Variants in KLHL18 observed in about 807,000 individuals in gnomAD.
The protein encoded by KLHL18 is kelch-like protein 18.
In KLHL18, 38 loss-of-function variants were observed where a neutral mutation model predicts 58.5. That is an observed-to-expected ratio of 0.65 (90% CI 0.50 to 0.85). The LOEUF (loss-of-function observed/expected upper bound fraction) is 0.85, where lower values mean the gene tolerates loss of function less well. KLHL18 is among the 40% of genes least tolerant of loss of function. The pLI, the probability that KLHL18 is intolerant of heterozygous loss-of-function variation, is 0.00. For synonymous variants in KLHL18, 303 were observed against 301.9 expected, an observed-to-expected ratio of 1.00 and a Z score of -0.04; for missense variants, 624 against 778.4, an observed-to-expected ratio of 0.80 and a Z score of 2.36.
chr3:47,287,489 TTCTC>T (rs1227183090), intron 1 of KLHL18: 2 of 151,840 alleles, frequency 1.3e-5, no homozygotes, highest in Non-Finnish European at 2.9e-5. Flanking sequence ...GTATTTTTTT[TTCTC>T]TCTTTTTTTT....
intron 9 of KLHL18, 120 bp from the exon 10 acceptor site, chr3:47,343,435 G>C (rs295457): frequency 8.2e-7 from 1 of 1,221,956 alleles, no homozygotes. Context: ...AGAGCTCCTT[G>C]TCCCCATACC....
chr3:47,330,421 T>G (rs1371257016), intron 4 of KLHL18, among the ~76,000 whole-genome samples: 2 of 152,054 alleles, frequency 1.3e-5, no homozygotes, highest in Admixed American at 6.6e-5. Flanking sequence ...CACATCAGCC[T>G]CCCGAGTAGC....
At chr3:47,298,110 C>T (rs1311664845) in intron 1 of KLHL18, among the ~76,000 whole-genome samples, 2 of 151,840 alleles carry the variant, frequency 1.3e-5, no homozygotes, top group Admixed American at 6.6e-5. Context: ...CCAGGTGCAG[C>T]GGCTCACACC....
At chr3:47,331,799 C>T (rs1226385527) in intron 4 of KLHL18, among the ~76,000 whole-genome samples, 2 of 149,636 alleles carry the variant, frequency 1.3e-5, no homozygotes, top group African/African-American at 5.0e-5. Context: ...TGGGAGTTTT[C>T]CAGAAGAGAG....
chr3:47,305,334 GTTT>G (rs397744565), intron 1 of KLHL18, among the ~76,000 whole-genome samples: 3 of 70,382 alleles, frequency 4.3e-5, no homozygotes, highest in African/African-American at 1.0e-4. Context: ...ATTTTGTCAA[GTTT>G]TTTTTTTTTT....
At chr3:47,306,815 C>G (rs1348682342) in intron 1 of KLHL18, among the ~76,000 whole-genome samples, 1 of 152,128 alleles carries the variant, frequency 6.6e-6, no homozygotes, top group Non-Finnish European at 1.5e-5. Context: ...ATTGGACTTC[C>G]TAATTGGACT....
chr3:47,293,646 G>A (rs1376068771), intron 1 of KLHL18, among the ~76,000 whole-genome samples: 1 of 152,218 alleles, frequency 6.6e-6, no homozygotes, highest in Non-Finnish European at 1.5e-5. Context: ...CCTTGACAGA[G>A]CTATTTTGAG....
At chr3:47,290,375 C>G (rs745535772) in intron 1 of KLHL18, among the ~76,000 whole-genome samples, 4 of 152,090 alleles carry the variant, frequency 2.6e-5, no homozygotes, top group Non-Finnish European at 5.9e-5. Flanking sequence ...AAAACTTGTG[C>G]TTCTGAATAT....
chr3:47,321,597 G>A (rs1703591067), intron 2 of KLHL18, among the ~76,000 whole-genome samples: 4 of 152,120 alleles, frequency 2.6e-5, no homozygotes, highest in South Asian at 2.1e-4. Flanking sequence ...TGATCCGCCC[G>A]CCTCGGCCTC....
chr3:47,311,211 A>G (rs1703292169), intron 1 of KLHL18, among the ~76,000 whole-genome samples: 1 of 151,844 alleles, frequency 6.6e-6, no homozygotes, highest in Non-Finnish European at 1.5e-5. Context: ...GGGTTTTACC[A>G]TGTTAGCCAG....
chr3:47,299,826 CAAAAAAAAA>C (rs55695849), intron 1 of KLHL18, among the ~76,000 whole-genome samples: 11 of 43,788 alleles, frequency 2.5e-4, no homozygotes, highest in South Asian at 1.5e-3. Context: ...TACTGTGTCT[CAAAAAAAAA>C]AAAAAAAAAA....
intron 3 of KLHL18, among the ~76,000 whole-genome samples, chr3:47,325,356 C>A (rs769736278): frequency 3.9e-5 from 6 of 152,082 alleles, no homozygotes; most frequent in Non-Finnish European, 8.8e-5. Context: ...TGCCACCACG[C>A]CTGGCTAATT....
Position 47,343,662 on chromosome 3 carries a change from C to CG in KLHL18, c.1451dup (p.Tyr485LeufsTer61). 1 of 1,614,086 alleles carries CG rather than the reference C, an allele frequency of 6.2e-7. No homozygotes were observed. Among genetic ancestry groups the CG allele is most frequent in the Non-Finnish European group, 8.5e-7 (1 of 1,180,034 alleles). On this transcript the variant is annotated frameshift_variant, in exon 10 of 10. Transcript: ENST00000232766. LOFTEE classifies it high-confidence loss of function. Reference sequence around the variant, plus strand: ...CCCTGGGGAGCAAGATGTTTGTCTGCGGGGGCTACGATGGCTCTGGCTTCC... The same window carrying CG: ...CCCTGGGGAGCAAGATGTTTGTCTGCGGGGGGCTACGATGGCTCTGGCTTCC...
chr3:47,294,728 A>C (rs938387477), intron 1 of KLHL18, among the ~76,000 whole-genome samples: 2 of 152,192 alleles, frequency 1.3e-5, no homozygotes, highest in East Asian at 3.8e-4. Context: ...ACCAATCAAT[A>C]ATTATGTATT....
chr3:47,322,565 T>G lies in KLHL18; in HGVS notation c.261-3T>G. 6.3e-7 allele frequency: 1 copy of G among 1,594,202 alleles called. No individual in the cohort carries two copies. ...ACCTCACAGCTTTCCCTCTTTCCTCTAGTGCCCTGGAGGCTCTGATCAACT... is the reference window on the plus strand; with the variant it reads ...ACCTCACAGCTTTCCCTCTTTCCTCGAGTGCCCTGGAGGCTCTGATCAACT... On this transcript the variant is annotated splice_region_variant and splice_polypyrimidine_tract_variant and intron_variant, in intron 2 of 9. Transcript: ENST00000232766.
chr3:47,287,628 G>A (rs1405291271), intron 1 of KLHL18, among the ~76,000 whole-genome samples: 6 of 151,966 alleles, frequency 3.9e-5, no homozygotes, highest in Admixed American at 3.9e-4. Context: ...TGGGATTATA[G>A]CTACATACCA....
At chr3:47,289,585 G>GT (rs1702747703) in intron 1 of KLHL18, among the ~76,000 whole-genome samples, 1 of 152,166 alleles carries the variant, frequency 6.6e-6, no homozygotes, top group Non-Finnish European at 1.5e-5. Context: ...AGTACAGTGA[G>GT]TTACACAGGG....
chr3:47,336,455 C>G (rs1703986374), intron 6 of KLHL18, 80 bp from the exon 7 acceptor site: 4 of 1,213,366 alleles, frequency 3.3e-6, no homozygotes, highest in Non-Finnish European at 4.7e-6. Context: ...GTCGAATGTT[C>G]CATATAATCA....
chr3:47,345,936 T>A lies in KLHL18; in HGVS notation c.*1995T>A, dbSNP rs919364337. 1 of 152,590 alleles carries A rather than the reference T, an allele frequency of 6.6e-6. No homozygotes were observed. The highest frequency in any genetic ancestry group is 1.5e-5 in the Non-Finnish European group (1 of 68,014). The allele number at this position is 152,590 out of a possible 1,614,324, so 9.5% of individuals were successfully genotyped here. A position where few individuals can be genotyped will look rare whatever the true frequency, so the allele number is the denominator to read the frequency against. ...TTTTTAACGTCTCAACAATCTGATA[T>A]CGGATGTCGTTTAACCTGGGCTCGT... is the stretch of plus-strand genomic sequence containing the variant. On this transcript the variant is annotated 3_prime_UTR_variant, in exon 10 of 10. Transcript: ENST00000232766.
Sources: gnomAD v4.1 joint callset for allele counts (sites outside exome capture counted in the v4.1 genomes callset) on GRCh38, gnomAD v4.1.1 for gene constraint, MANE v1.5 for transcripts, NCBI Gene and HGNC (gene_info 2026-07-23, HGNC 2026-07-21) for gene names.